Variants in CRYBG1 observed in about 807,000 individuals in gnomAD.
CRYBG1 encodes the protein crystallin beta-gamma domain containing 1.
A neutral mutation model predicts 189.2 loss-of-function variants in CRYBG1; 139 were observed. The observed-to-expected ratio is 0.73, with a 90% CI of 0.64 to 0.85. The LOEUF is 0.85. Ranked by LOEUF, CRYBG1 falls within the 40% of genes least tolerant of loss-of-function variation. The pLI, the probability that CRYBG1 is intolerant of heterozygous loss-of-function variation, is 0.00. For missense variants in CRYBG1, 2,611 were observed against 2,675.8 expected (o/e 0.98, Z 0.53); for synonymous variants, 1,023 against 1,017.1 (o/e 1.01, Z -0.11).
rs142610547 is a variant in CRYBG1 at position 106,502,342 on chromosome 6, A to G, written c.313-9088A>G. 2.0e-5 allele frequency among the ~76,000 whole-genome samples: 3 copies of G among 152,374 alleles called. No individual in the cohort carries two copies. In the East Asian group the frequency reaches 5.8e-4, roughly 29 times the overall value. On this transcript the variant is annotated intron_variant, in intron 2 of 21. Coordinates refer to ENST00000633556, the MANE Select transcript of CRYBG1 (RefSeq NM_001371242.2). Reference sequence around the variant, plus strand: ...AATGTACTTTCTGGGTTACAAGTTAATAAAAAGGAACTGATTTGATGACTT... The same window carrying G: ...AATGTACTTTCTGGGTTACAAGTTAGTAAAAAGGAACTGATTTGATGACTT...
intron 2 of CRYBG1, among the ~76,000 whole-genome samples, chr6:106,480,319 A>G (rs1302791532): frequency 6.6e-6 from 1 of 152,062 alleles, no homozygotes; most frequent in Non-Finnish European, 1.5e-5. Flanking sequence ...TGGCCCTGTG[A>G]CTAAGTTAGG....
intron 13 of CRYBG1, among the ~76,000 whole-genome samples, chr6:106,550,618 A>G (rs1193065434): frequency 6.6e-6 from 1 of 152,012 alleles, no homozygotes; most frequent in Non-Finnish European, 1.5e-5. Context: ...TAATTTTTAC[A>G]TATTTATGTG....
rs573839844 is a variant in CRYBG1, at chr6:106,444,184, A to G, written c.174-7510A>G. Reference sequence around the variant, plus strand: ...TATTGACACTGTCAAAATAAAAGCTACATTTTCTCTTCTCTGCCATTAGAT... The same window carrying G: ...TATTGACACTGTCAAAATAAAAGCTGCATTTTCTCTTCTCTGCCATTAGAT... On this transcript the variant is annotated intron_variant, in intron 1 of 21. Coordinates refer to ENST00000633556, the MANE Select transcript of CRYBG1 (RefSeq NM_001371242.2). Among the ~76,000 whole-genome samples the G allele has an allele frequency of 3.2e-4, 49 of 151,776 alleles. 1 individual carries two copies. In the South Asian group the frequency reaches 4.4e-3, roughly 13 times the overall value.
intron 2 of CRYBG1, among the ~76,000 whole-genome samples, chr6:106,479,897 C>T (rs1772407575): frequency 6.6e-6 from 1 of 152,096 alleles, no homozygotes; most frequent in African/African-American, 2.4e-5. Flanking sequence ...TCCTTAGAAG[C>T]ACAAAAGTTT....
rs57640822 is a variant in CRYBG1 at position 106,422,344 on chromosome 6, A to ATTTATTTATTTTTTTTTTT, written c.174-29347_174-29346insATTTATTTTTTTTTTTTTT. Among the ~76,000 whole-genome samples, 87 of 139,972 alleles carry ATTTATTTATTTTTTTTTTT rather than the reference A, an allele frequency of 6.2e-4. 1 individual carries two copies. Among genetic ancestry groups the ATTTATTTATTTTTTTTTTT allele is most frequent in the African/African-American group, 9.5e-4 (36 of 37,784 alleles). 91.8% of individuals were successfully genotyped at this position (139,972 alleles called of 152,430 possible). A position where few individuals can be genotyped will look rare whatever the true frequency, so the allele number is the denominator to read the frequency against. On this transcript the variant is annotated intron_variant, in intron 1 of 21. Transcript: ENST00000633556. The stretch of plus-strand genomic sequence containing the variant: ...TTGTTATTTATTTATTTATTTATTT[A>ATTTATTTATTTTTTTTTTT]TTTTTGAGACATGGTCTCACTTGGT...
At chr6:106,559,744 C>T (rs1172018631) in intron 18 of CRYBG1, among the ~76,000 whole-genome samples, 1 of 151,730 alleles carries the variant, frequency 6.6e-6, no homozygotes, top group Non-Finnish European at 1.5e-5. Context: ...TGAGATCACA[C>T]CAGTGCACTC....
intron 13 of CRYBG1, among the ~76,000 whole-genome samples, chr6:106,549,693 G>A (rs2114582163): frequency 6.6e-6 from 1 of 152,294 alleles, no homozygotes; most frequent in East Asian, 1.9e-4. Flanking sequence ...AAGACTGAGT[G>A]GTGCATATAG....
intron 1 of CRYBG1, among the ~76,000 whole-genome samples, chr6:106,378,116 C>A (rs1352821523): frequency 6.6e-6 from 1 of 152,110 alleles, no homozygotes; most frequent in Admixed American, 6.5e-5. Context: ...AGCCCTGTCA[C>A]CCCCCGGTCA....
At chr6:106,522,349 TA>T (rs1562103441) in intron 4 of CRYBG1, among the ~76,000 whole-genome samples, 1 of 142,542 alleles carries the variant, frequency 7.0e-6, no homozygotes, top group Non-Finnish European at 1.6e-5. Flanking sequence ...ATTAGGGAAA[TA>T]TTTTTTTTAC....
intron 2 of CRYBG1, among the ~76,000 whole-genome samples, chr6:106,504,348 G>A (rs558520124): frequency 2.9e-4 from 44 of 152,156 alleles, no homozygotes; most frequent in Non-Finnish European, 5.7e-4. Flanking sequence ...TTTCATAAGA[G>A]ATCTGCTTAC....
chr6:106,470,931 C>T (rs1278372611), intron 2 of CRYBG1, among the ~76,000 whole-genome samples: 1 of 152,172 alleles, frequency 6.6e-6, no homozygotes, highest in Non-Finnish European at 1.5e-5. Flanking sequence ...ATAAAGAATC[C>T]TGGAATTTCT....
rs754338096 is a variant in CRYBG1, at chr6:106,519,918, G to A, written c.2710G>A (p.Val904Met). 1 of 1,614,126 alleles carries A rather than the reference G, an allele frequency of 6.2e-7. No homozygotes were observed. Among genetic ancestry groups the A allele is most frequent in the Non-Finnish European group, 8.5e-7 (1 of 1,180,020 alleles). The change falls in exon 4 of 22, where the codon GTG becomes ATG. Residue 904 changes from valine (V) to methionine (M), a missense_variant. Physicochemically the swap from Val to Met is conservative, Grantham distance 21. Coordinates refer to ENST00000633556, the MANE Select transcript of CRYBG1 (RefSeq NM_001371242.2). Reference sequence around the variant, plus strand: ...CAGTTTCCCATGCACTGATCTAAAAGTGTCAGAAAACCATAAAGGATGTGT... The same window carrying A: ...CAGTTTCCCATGCACTGATCTAAAAATGTCAGAAAACCATAAAGGATGTGT... ...ISSFPCTDLK[V>M]SENHKGCVLP...
At chr6:106,506,760 C>A (rs1444688826) in intron 2 of CRYBG1, among the ~76,000 whole-genome samples, 10 of 151,966 alleles carry the variant, frequency 6.6e-5, no homozygotes, top group African/African-American at 2.4e-4. Flanking sequence ...GTCTAGATTT[C>A]TTAAAGATAT....
intron 21 of CRYBG1, 84 bp downstream of exon 21, chr6:106,564,010 G>T (rs545115096): frequency 1.3e-4 from 174 of 1,384,094 alleles, no homozygotes; most frequent in Non-Finnish European, 1.6e-4. Context: ...TTTTGAAAAT[G>T]ATGAATGTAT....
intron 1 of CRYBG1, among the ~76,000 whole-genome samples, chr6:106,398,151 G>A (rs1770648606): frequency 1.3e-5 from 2 of 152,054 alleles, no homozygotes; most frequent in Admixed American, 6.5e-5. Context: ...CGTCTTCTCT[G>A]CTTTTAAAGG....
chr6:106,413,899 C>CTA (rs1372666823), intron 1 of CRYBG1, among the ~76,000 whole-genome samples: 2 of 152,174 alleles, frequency 1.3e-5, no homozygotes, highest in African/African-American at 4.8e-5. Flanking sequence ...ACTTTACAGG[C>CTA]TGTTTTAGGT....
intron 2 of CRYBG1, among the ~76,000 whole-genome samples, chr6:106,496,816 G>T (rs192637195): frequency 6.6e-6 from 1 of 152,330 alleles, no homozygotes; most frequent in East Asian, 1.9e-4. Flanking sequence ...TAACAGCGTA[G>T]TGGCTAGTGA....
intron 2 of CRYBG1, among the ~76,000 whole-genome samples, chr6:106,506,446 C>CTTTTTTTTTTTTTTTTTTTTTTTTTTTT (rs67154803): frequency 2.9e-5 from 2 of 69,920 alleles, no homozygotes; most frequent in East Asian, 4.2e-4. Flanking sequence ...TTTCTTGTCA[C>CTTTTTTTTTTTTTTTTTTTTTTTTTTTT]TTTTTTTTTT....
intron 19 of CRYBG1, 36 bp downstream of exon 19, chr6:106,560,962 T>A: frequency 6.6e-7 from 1 of 1,524,644 alleles, no homozygotes; most frequent in Non-Finnish European, 8.8e-7. Flanking sequence ...CATAGACTCT[T>A]CTCTGAAATT....
Sources: allele counts gnomAD v4.1 joint callset (sites outside exome capture counted in the v4.1 genomes callset), GRCh38; gene constraint gnomAD v4.1.1; transcripts MANE v1.5; gene names NCBI Gene and HGNC (gene_info 2026-07-23, HGNC 2026-07-21).